The following PTPRD variants were observed in gnomAD, a reference collection of about 807,000 sequenced individuals.
PTPRD encodes protein tyrosine phosphatase receptor type D.
PTPRD carries 34 observed loss-of-function variants against 214.5 expected under a neutral mutation model. The ratio of observed to expected loss-of-function variants is 0.16; its 90% CI spans 0.12 to 0.21. The LOEUF is 0.21. Ranked by LOEUF, PTPRD falls within the 10% of genes least tolerant of loss-of-function variation. The pLI, the probability that PTPRD is intolerant of heterozygous loss-of-function variation, is 1.00. For synonymous variants in PTPRD, 1,128 were observed against 845.7 expected (o/e 1.33, Z -5.79); for missense variants, 2,545 against 2,398.7 (o/e 1.06, Z -1.27).
intron 9 of PTPRD, among the ~76,000 whole-genome samples, chr9:9,376,264 A>T (rs376618703): frequency 2.0e-5 from 3 of 152,134 alleles, no homozygotes; most frequent in East Asian, 3.9e-4. Flanking sequence ...TCTCTATGGC[A>T]AACAAATGCC....
chr9:9,564,884 GTTTTTTTTT>G (rs1191664969), intron 8 of PTPRD, among the ~76,000 whole-genome samples: 45 of 48,856 alleles, frequency 9.2e-4, no homozygotes, highest in African/African-American at 2.6e-3. Context: ...TGAATCTTCT[GTTTTTTTTT>G]TTTTTTTTTT....
chr9:9,963,047 A>C (rs2094465392), intron 4 of PTPRD, among the ~76,000 whole-genome samples: 1 of 152,068 alleles, frequency 6.6e-6, no homozygotes, highest in African/African-American at 2.4e-5. Context: ...TTATCTGACA[A>C]GCCTAGGGAT....
intron 5 of PTPRD, among the ~76,000 whole-genome samples, chr9:9,908,995 C>G (rs553200154): frequency 6.6e-6 from 1 of 151,730 alleles, no homozygotes; most frequent in South Asian, 2.1e-4. Context: ...TTGACATGAT[C>G]ATATATTAAC....
At chr9:9,958,373 T>C (rs1484743185) in intron 4 of PTPRD, among the ~76,000 whole-genome samples, 2 of 151,916 alleles carry the variant, frequency 1.3e-5, no homozygotes, top group East Asian at 3.9e-4. Flanking sequence ...CTACTAAACA[T>C]ACAAAAAATT....
At chr9:9,561,742 G>C (rs1441116952) in intron 8 of PTPRD, among the ~76,000 whole-genome samples, 1 of 152,188 alleles carries the variant, frequency 6.6e-6, no homozygotes, top group Non-Finnish European at 1.5e-5. Context: ...CTTCAGAGGT[G>C]ATGAGATCTT....
chr9:8,458,858 C>T (rs921246117), intron 33 of PTPRD, among the ~76,000 whole-genome samples: 8 of 151,692 alleles, frequency 5.3e-5, no homozygotes, highest in African/African-American at 1.5e-4. Flanking sequence ...TTTTACAGCA[C>T]GGATAATTGA....
chr9:10,520,644 G>C (rs765253213), intron 2 of PTPRD, among the ~76,000 whole-genome samples: 3 of 152,108 alleles, frequency 2.0e-5, no homozygotes, highest in Non-Finnish European at 4.4e-5. Flanking sequence ...TCGATGCTTG[G>C]CTTCAAAGCT....
chr9:9,503,482 G>A (rs1428171329), intron 8 of PTPRD, among the ~76,000 whole-genome samples: 2 of 151,642 alleles, frequency 1.3e-5, no homozygotes, highest in East Asian at 3.9e-4. Context: ...AAGTATCTGG[G>A]CTCATAACTG....
chr9:9,043,556 A>G (rs1285499038), intron 10 of PTPRD, among the ~76,000 whole-genome samples: 4 of 152,188 alleles, frequency 2.6e-5, no homozygotes, highest in Admixed American at 6.5e-5. Flanking sequence ...TCTATCTTTA[A>G]AAGAAAAATG....
chr9:9,392,041 C>T (rs1224481469), intron 9 of PTPRD, among the ~76,000 whole-genome samples: 2 of 152,052 alleles, frequency 1.3e-5, no homozygotes, highest in Non-Finnish European at 2.9e-5. Context: ...GTGGAAAGTA[C>T]CAAATTTATA....
intron 3 of PTPRD, among the ~76,000 whole-genome samples, chr9:10,115,630 T>G (rs1252390792): frequency 1.5e-5 from 2 of 132,538 alleles, no homozygotes; most frequent in African/African-American, 5.3e-5. Context: ...TTATATTTGT[T>G]AAAACTTTAC....
intron 2 of PTPRD, among the ~76,000 whole-genome samples, chr9:10,550,512 T>A (rs565839610): frequency 1.3e-5 from 2 of 152,252 alleles, no homozygotes; most frequent in East Asian, 3.9e-4. Context: ...TGGAAATCAA[T>A]CTTTTTGGAG....
At chr9:8,839,009 G>A (rs2097501396) in intron 11 of PTPRD, among the ~76,000 whole-genome samples, 1 of 152,006 alleles carries the variant, frequency 6.6e-6, no homozygotes, top group Admixed American at 6.6e-5. Context: ...AATGTACCAA[G>A]ACATTTTCAG....
intron 3 of PTPRD, among the ~76,000 whole-genome samples, chr9:10,038,905 C>T (rs1036827661): frequency 3.3e-5 from 5 of 152,010 alleles, no homozygotes; most frequent in Non-Finnish European, 5.9e-5. Context: ...ACAATTATTG[C>T]CCTTTACACT....
intron 3 of PTPRD, among the ~76,000 whole-genome samples, chr9:10,323,109 A>T (rs1171535143): frequency 6.6e-6 from 1 of 152,036 alleles, no homozygotes; most frequent in Non-Finnish European, 1.5e-5. Flanking sequence ...TGAACATTTT[A>T]ACTATTCAGT....
chr9:8,782,058 C>T (rs952063657), intron 11 of PTPRD, among the ~76,000 whole-genome samples: 2 of 140,278 alleles, frequency 1.4e-5, no homozygotes, highest in Admixed American at 1.4e-4. Context: ...TAATGTTTTA[C>T]GTTTATGGTA....
At chr9:8,407,542 A>C (rs2093117117) in intron 35 of PTPRD, among the ~76,000 whole-genome samples, 1 of 152,190 alleles carries the variant, frequency 6.6e-6, no homozygotes, top group African/African-American at 2.4e-5. Flanking sequence ...AACTATCCAG[A>C]ATGCCACTGC....
At chr9:9,673,967 T>C (rs1009955358) in intron 7 of PTPRD, among the ~76,000 whole-genome samples, 2 of 151,798 alleles carry the variant, frequency 1.3e-5, no homozygotes, top group African/African-American at 4.8e-5. Context: ...GATGAAATAA[T>C]GACATTTACA....
chr9:10,100,899 G>C (rs454306), intron 3 of PTPRD, among the ~76,000 whole-genome samples: 50,596 of 151,092 alleles, frequency 0.33, 9,228 homozygotes, highest in East Asian at 0.52. Flanking sequence ...TACTAAAAGA[G>C]CAGGCAGCAT....
Sources: gnomAD v4.1 joint callset for allele counts (sites outside exome capture counted in the v4.1 genomes callset) on GRCh38, gnomAD v4.1.1 for gene constraint, MANE v1.5 for transcripts, NCBI Gene and HGNC (gene_info 2026-07-23, HGNC 2026-07-21) for gene names.